CHRM3: variants seen among roughly 807,000 people sequenced by gnomAD.
CHRM3 encodes muscarinic acetylcholine receptor M3.
In CHRM3, 11 loss-of-function variants were observed where a neutral mutation model predicts 41.8. The ratio of observed to expected loss-of-function variants is 0.26; its 90% CI spans 0.17 to 0.44. CHRM3 has a LOEUF of 0.44. Among genes scored for constraint, CHRM3 ranks in the 20% least tolerant of loss-of-function variants. The pLI, the probability that CHRM3 is intolerant of heterozygous loss-of-function variation, is 1.00. For missense variants in CHRM3, 571 were observed against 745.4 expected (o/e 0.77, Z 2.72); for synonymous variants, 297 against 301.4 (o/e 0.99, Z 0.15).
chr1:239,880,416 A>G (rs1332562463), intron 6 of CHRM3, among the ~76,000 whole-genome samples: 1 of 152,216 alleles, frequency 6.6e-6, no homozygotes, highest in African/African-American at 2.4e-5. Flanking sequence ...ATAACCTATA[A>G]TCAGAGATAT....
chr1:239,448,513 T>G (rs1297151663), intron 1 of CHRM3, among the ~76,000 whole-genome samples: 1 of 152,186 alleles, frequency 6.6e-6, no homozygotes, highest in Non-Finnish European at 1.5e-5. Flanking sequence ...ATATTTATTA[T>G]GAGGTTTGGG....
chr1:239,423,343 TG>T (rs1662107796), intron 1 of CHRM3, among the ~76,000 whole-genome samples: 1 of 152,200 alleles, frequency 6.6e-6, no homozygotes, highest in South Asian at 2.1e-4. Flanking sequence ...AACTTATTTG[TG>T]GAACTCTTGG....
At chr1:239,746,727 A>AAAT (rs1364605367) in intron 5 of CHRM3, among the ~76,000 whole-genome samples, 10 of 152,052 alleles carry the variant, frequency 6.6e-5, no homozygotes, top group Non-Finnish European at 1.3e-4. Context: ...AAGCCTTACC[A>AAAT]GATATTTGCC....
intron 5 of CHRM3, among the ~76,000 whole-genome samples, chr1:239,755,478 C>G (rs534251780): frequency 4.4e-4 from 67 of 152,282 alleles, no homozygotes; most frequent in Non-Finnish European, 8.2e-4. Flanking sequence ...TTCTAAGAAA[C>G]TTGGTTATCT....
At chr1:239,636,543 T>A (rs1200968481) in intron 4 of CHRM3, among the ~76,000 whole-genome samples, 1 of 152,226 alleles carries the variant, frequency 6.6e-6, no homozygotes, top group Admixed American at 6.5e-5. Context: ...ACAGCAATTC[T>A]GGGGCTTTAT....
chr1:239,841,385 T>C (rs1673783750), intron 6 of CHRM3, among the ~76,000 whole-genome samples: 1 of 152,142 alleles, frequency 6.6e-6, no homozygotes, highest in Non-Finnish European at 1.5e-5. Context: ...AGAATTACGT[T>C]CGTTACCAAT....
At chr1:239,754,590 C>T (rs1363829592) in intron 5 of CHRM3, among the ~76,000 whole-genome samples, 3 of 152,178 alleles carry the variant, frequency 2.0e-5, no homozygotes, top group Non-Finnish European at 4.4e-5. Flanking sequence ...GTCTTCAGTT[C>T]CACATTGGGA....
chr1:239,675,152 G>T (rs1026633140), intron 4 of CHRM3, among the ~76,000 whole-genome samples: 4 of 152,094 alleles, frequency 2.6e-5, no homozygotes, highest in Non-Finnish European at 4.4e-5. Context: ...AAATCACTGA[G>T]GTCACTTCTG....
At chr1:239,412,069 T>C (rs866623046) in intron 1 of CHRM3, among the ~76,000 whole-genome samples, 16 of 151,688 alleles carry the variant, frequency 1.1e-4, no homozygotes, top group Middle Eastern at 3.4e-3. Flanking sequence ...ATAAAAATTT[T>C]GGTTATATTA....
Position 239,559,461 on chromosome 1 carries a change from T to C in CHRM3, c.-313+13712T>C, listed in dbSNP as rs536359934. ...CTAATTGCTTCATTTCAGTCAAGAA[T>C]ATTTAATCGAATGCCAACAACTGAC... On this transcript the variant is annotated intron_variant, in intron 3 of 6. Transcript: ENST00000676153. Among the ~76,000 whole-genome samples the C allele has an allele frequency of 3.3e-5, 5 of 152,338 alleles. No individual in the cohort carries two copies. The South Asian group carries it at 8.3e-4, about 25-fold the overall frequency.
chr1:239,745,118 C>G (rs1665232741), intron 5 of CHRM3, among the ~76,000 whole-genome samples: 1 of 152,078 alleles, frequency 6.6e-6, no homozygotes, highest in South Asian at 2.1e-4. Context: ...AGCCAGATTG[C>G]TAACGTCTTT....
In CHRM3 at chr1:239,439,422, C is replaced by T. The variant is rs946899199; in HGVS notation, c.-521+52195C>T. On this transcript the variant is annotated intron_variant, in intron 1 of 6. Coordinates refer to ENST00000676153, the MANE Select transcript of CHRM3 (RefSeq NM_001375978.1). The stretch of plus-strand genomic sequence containing the variant: ...ATATTGGAATTCGTGATATTTCCTG[C>T]GGACAGTAACAATGAGGGGCTGGAG... Among the ~76,000 whole-genome samples the T allele has an allele frequency of 5.3e-5, 8 of 151,900 alleles. No homozygotes were observed. The East Asian group carries it at 7.7e-4, about 15-fold the overall frequency.
At chr1:239,887,905 G>A (rs1678207240) in intron 6 of CHRM3, among the ~76,000 whole-genome samples, 1 of 152,118 alleles carries the variant, frequency 6.6e-6, no homozygotes, top group African/African-American at 2.4e-5. Context: ...ACAGCAAAAT[G>A]TATAAGCTTC....
At position 239,730,283 on chromosome 1, in the gene CHRM3, AC is replaced by A. The variant is rs537907898; in HGVS notation, c.-147+51996del. 2.0e-4 allele frequency: 31 copies of A among 152,160 alleles called. No individual in the cohort carries two copies. The East Asian group carries it at 5.4e-3, about 27-fold the overall frequency. The allele number at this position is 152,160 out of a possible 1,614,324, so 9.4% of individuals were successfully genotyped here. On this transcript the variant is annotated intron_variant, in intron 5 of 6. Transcript: ENST00000676153. ...TAATAATTTTAACAGAGTAAAGAGA[AC>A]TTCAGAGCAAAAATTTTGAGAACTA...
intron 6 of CHRM3, among the ~76,000 whole-genome samples, chr1:239,867,935 G>C (rs1676253594): frequency 6.6e-6 from 1 of 152,152 alleles, no homozygotes; most frequent in Non-Finnish European, 1.5e-5. Context: ...ATCAGTATCA[G>C]TGTTGTTTCA....
intron 6 of CHRM3, among the ~76,000 whole-genome samples, chr1:239,833,253 A>G (rs1673040445): frequency 6.6e-6 from 1 of 152,140 alleles, no homozygotes; most frequent in Non-Finnish European, 1.5e-5. Context: ...CATCAAGTTT[A>G]TATACTTCAA....
intron 1 of CHRM3, among the ~76,000 whole-genome samples, chr1:239,466,392 T>C (rs1302795560): frequency 2.6e-5 from 4 of 152,136 alleles, no homozygotes; most frequent in Non-Finnish European, 4.4e-5. Flanking sequence ...GAATACAGTA[T>C]ATAGTACATA....
chr1:239,877,890 CT>C (rs576152253), intron 6 of CHRM3, among the ~76,000 whole-genome samples: 7,573 of 138,858 alleles, frequency 0.055, 647 homozygotes, highest in African/African-American at 0.18. Context: ...TTATTTCTTT[CT>C]TTTTTTTTTT....
chr1:239,799,769 A>G (rs1297063904), intron 5 of CHRM3, among the ~76,000 whole-genome samples: 10 of 152,232 alleles, frequency 6.6e-5, no homozygotes, highest in African/African-American at 2.2e-4. Context: ...GCCCTGTCTC[A>G]GGGGGAGAAA....
Sources: allele counts gnomAD v4.1 joint callset (sites outside exome capture counted in the v4.1 genomes callset), GRCh38; gene constraint gnomAD v4.1.1; transcripts MANE v1.5; gene names NCBI Gene and HGNC (gene_info 2026-07-23, HGNC 2026-07-21).